ARHGAP15: variants seen among roughly 807,000 people sequenced by gnomAD.
The protein encoded by ARHGAP15 is Rho GTPase activating protein 15.
A neutral mutation model predicts 63.7 loss-of-function variants in ARHGAP15; 51 were observed. The ratio of observed to expected loss-of-function variants is 0.80; its 90% confidence interval spans 0.64 to 1.01. ARHGAP15 has a LOEUF of 1.01. Among genes scored for constraint, ARHGAP15 ranks in the 50% least tolerant of loss-of-function variants. The pLI, the probability that ARHGAP15 is intolerant of heterozygous loss-of-function variation, is 0.00. For synonymous variants in ARHGAP15, 191 were observed against 193.8 expected (o/e 0.99, Z 0.12); for missense variants, 560 against 564.6 (o/e 0.99, Z 0.08).
At chr2:143,318,376 G>A (rs1327674876) in intron 6 of ARHGAP15, among the ~76,000 whole-genome samples, 2 of 151,758 alleles carry the variant, frequency 1.3e-5, no homozygotes, top group Non-Finnish European at 2.9e-5. Flanking sequence ...TCCTTCCAGT[G>A]ATTATGGATA....
At chr2:143,383,093 T>C (rs978035172) in intron 6 of ARHGAP15, among the ~76,000 whole-genome samples, 3 of 152,188 alleles carry the variant, frequency 2.0e-5, no homozygotes, top group African/African-American at 7.2e-5. Context: ...CAAAAAAGCT[T>C]ATCAACCCTC....
chr2:143,170,589 G>A (rs1246217264), intron 2 of ARHGAP15, among the ~76,000 whole-genome samples: 1 of 152,054 alleles, frequency 6.6e-6, no homozygotes, highest in Non-Finnish European at 1.5e-5. Flanking sequence ...ATTCTGCCAT[G>A]TTCAATGTGG....
intron 5 of ARHGAP15, among the ~76,000 whole-genome samples, chr2:143,243,529 T>C (rs1357893678): frequency 6.6e-6 from 1 of 152,182 alleles, no homozygotes; most frequent in Non-Finnish European, 1.5e-5. Flanking sequence ...TAGTCATTTT[T>C]TAAAAAGTGT....
At chr2:143,462,436 A>C (rs1690990378) in intron 8 of ARHGAP15, among the ~76,000 whole-genome samples, 1 of 152,216 alleles carries the variant, frequency 6.6e-6, no homozygotes, top group South Asian at 2.1e-4. Flanking sequence ...TGATAGCAAA[A>C]AAAAGGCACA....
At chr2:143,577,166 A>T (rs1696711017) in intron 11 of ARHGAP15, among the ~76,000 whole-genome samples, 1 of 151,930 alleles carries the variant, frequency 6.6e-6, no homozygotes, top group Non-Finnish European at 1.5e-5. Flanking sequence ...AATAGATGAA[A>T]CCTACCATCT....
intron 6 of ARHGAP15, among the ~76,000 whole-genome samples, chr2:143,335,109 T>C (rs1250763643): frequency 6.6e-6 from 1 of 152,158 alleles, no homozygotes; most frequent in Non-Finnish European, 1.5e-5. Context: ...ATTTAATATG[T>C]TAAGGACCTG....
At chr2:143,475,695 G>A (rs1320895121) in intron 8 of ARHGAP15, among the ~76,000 whole-genome samples, 1 of 152,228 alleles carries the variant, frequency 6.6e-6, no homozygotes, top group Non-Finnish European at 1.5e-5. Flanking sequence ...TGAAGCCAGA[G>A]GAAGGGCATA....
intron 11 of ARHGAP15, among the ~76,000 whole-genome samples, chr2:143,569,762 AG>A (rs1200715798): frequency 6.6e-6 from 1 of 152,204 alleles, no homozygotes; most frequent in Non-Finnish European, 1.5e-5. Flanking sequence ...AATGAATTGT[AG>A]GGGGAAAGAG....
chr2:143,187,561 A>G (rs1479821374), intron 2 of ARHGAP15, among the ~76,000 whole-genome samples: 1 of 152,230 alleles, frequency 6.6e-6, no homozygotes, highest in Non-Finnish European at 1.5e-5. Flanking sequence ...AATAGGAGCT[A>G]TTATTGCCTC....
At chr2:143,633,538 A>G (rs1042407104) in intron 12 of ARHGAP15, among the ~76,000 whole-genome samples, 2 of 152,110 alleles carry the variant, frequency 1.3e-5, no homozygotes, top group African/African-American at 4.8e-5. Flanking sequence ...CTTTTATTTT[A>G]CTTGCACTCC....
At chr2:143,305,849 A>G (rs1683143848) in intron 6 of ARHGAP15, among the ~76,000 whole-genome samples, 2 of 152,124 alleles carry the variant, frequency 1.3e-5, no homozygotes, top group South Asian at 4.1e-4. Context: ...TTGTAAACAA[A>G]TTAAGGGTAA....
chr2:143,445,164 T>TTA (rs1047607840), intron 8 of ARHGAP15, among the ~76,000 whole-genome samples: 8 of 130,910 alleles, frequency 6.1e-5, no homozygotes, highest in Non-Finnish European at 1.3e-4. Context: ...TTTTTTTTTT[T>TTA]TTTTTTTTTT....
intron 13 of ARHGAP15, among the ~76,000 whole-genome samples, chr2:143,747,520 T>A (rs1484051389): frequency 6.6e-6 from 1 of 152,206 alleles, no homozygotes; most frequent in Non-Finnish European, 1.5e-5. Flanking sequence ...AAATCTGCTG[T>A]GTTCCACCTT....
At chr2:143,544,349 A>G (rs966097109) in intron 10 of ARHGAP15, among the ~76,000 whole-genome samples, 1 of 152,206 alleles carries the variant, frequency 6.6e-6, no homozygotes, top group Non-Finnish European at 1.5e-5. Flanking sequence ...ACATTTTTCA[A>G]GTGGATCTGT....
chr2:143,413,302 CTT>C (rs944714723), intron 6 of ARHGAP15, among the ~76,000 whole-genome samples: 1 of 152,076 alleles, frequency 6.6e-6, no homozygotes, highest in Non-Finnish European at 1.5e-5. Flanking sequence ...GGGTTTCTGC[CTT>C]TGTGAGGGAT....
intron 6 of ARHGAP15, among the ~76,000 whole-genome samples, chr2:143,373,916 A>T (rs1331716511): frequency 2.0e-5 from 3 of 152,188 alleles, no homozygotes; most frequent in Non-Finnish European, 1.5e-5. Flanking sequence ...ATGAACAAGA[A>T]ATCCCAAATA....
intron 2 of ARHGAP15, among the ~76,000 whole-genome samples, chr2:143,178,706 G>A (rs182771922): frequency 5.1e-4 from 77 of 152,016 alleles, no homozygotes; most frequent in African/African-American, 1.8e-3. Flanking sequence ...CAATCCTCCC[G>A]CCTCAGCCTC....
intron 6 of ARHGAP15, among the ~76,000 whole-genome samples, chr2:143,315,020 T>C (rs1683630933): frequency 6.6e-6 from 1 of 152,248 alleles, no homozygotes; most frequent in Non-Finnish European, 1.5e-5. Context: ...TTTTTATGTA[T>C]GTATGTGGGT....
intron 11 of ARHGAP15, 58 bp from the exon 12 acceptor site, chr2:143,624,075 G>A (rs144965727): frequency 1.1e-5 from 17 of 1,585,166 alleles, no homozygotes; most frequent in Admixed American, 5.1e-5. Flanking sequence ...ATAATAATTA[G>A]TGTCTTGTAA....
Sources: gnomAD v4.1 joint callset for allele counts (sites outside exome capture counted in the v4.1 genomes callset) on GRCh38, gnomAD v4.1.1 for gene constraint, MANE v1.5 for transcripts, NCBI Gene and HGNC (gene_info 2026-07-23, HGNC 2026-07-21) for gene names.